The following SPC25 variants were observed in gnomAD, a reference collection of about 807,000 sequenced individuals.
SPC25 encodes the protein SPC25 component of NDC80 kinetochore complex.
Under a neutral mutation model 29.6 loss-of-function variants are expected in SPC25, and 22 were observed. That is an observed-to-expected ratio of 0.74 (90% confidence interval 0.53 to 1.06). The LOEUF (loss-of-function observed/expected upper bound fraction) is 1.06. SPC25 is among the 50% of genes least tolerant of loss of function. SPC25 has a pLI of 0.00. For synonymous variants in SPC25, 91 were observed against 90.4 expected, an observed-to-expected ratio of 1.01 and a Z score of -0.04; for missense variants, 230 against 255.8, an observed-to-expected ratio of 0.90 and a Z score of 0.69.
chr2:168,873,724 A>G (rs763892432), intron 5 of SPC25, 41 bp from the exon 6 acceptor site: 79 of 1,310,732 alleles, frequency 6.0e-5, no homozygotes, highest in Non-Finnish European at 7.9e-5. Flanking sequence ...AAAGCTTTCA[A>G]TGGAGATACC....
At chr2:168,888,953 G>GTATATATA (rs1221825706) in intron 3 of SPC25, among the ~76,000 whole-genome samples, 1 of 61,548 alleles carries the variant, frequency 1.6e-5, no homozygotes, top group East Asian at 5.8e-4. Context: ...GTGTGTGTGT[G>GTATATATA]TGTGTATATA....
intron 3 of SPC25, among the ~76,000 whole-genome samples, chr2:168,880,520 G>A (rs1310795675): frequency 6.6e-6 from 1 of 152,118 alleles, no homozygotes; most frequent in Non-Finnish European, 1.5e-5. Context: ...CTTCTATTAA[G>A]GCCACTAAAA....
intron 4 of SPC25, chr2:168,864,849 T>C (rs1161662685): frequency 6.2e-7 from 1 of 1,613,912 alleles, no homozygotes; most frequent in Non-Finnish European, 8.5e-7. Context: ...ATTGTGATTA[T>C]ACACGAGAAA....
At chr2:168,871,679 G>T in intron 6 of SPC25, 124 bp from the exon 7 acceptor site, 1 of 906,654 alleles carries the variant, frequency 1.1e-6, no homozygotes, top group Non-Finnish European at 1.6e-6. Flanking sequence ...GAAATTCTTT[G>T]AGCAAAAAAG....
intron 3 of SPC25, among the ~76,000 whole-genome samples, chr2:168,882,885 T>G (rs1690200298): frequency 6.6e-6 from 1 of 152,174 alleles, no homozygotes; most frequent in South Asian, 2.1e-4. Flanking sequence ...TTTCATTTAT[T>G]ACAACAATGT....
At chr2:168,882,209 G>A (rs909039177) in intron 3 of SPC25, among the ~76,000 whole-genome samples, 3 of 152,300 alleles carry the variant, frequency 2.0e-5, no homozygotes, top group South Asian at 2.1e-4. Flanking sequence ...AAACAGTGCC[G>A]AAATCCAAAA....
intron 4 of SPC25, chr2:168,861,871 G>GCAT (rs1482547498): frequency 1.6e-5 from 18 of 1,159,508 alleles, no homozygotes; most frequent in Non-Finnish European, 2.3e-5. Flanking sequence ...TTGAAACTCT[G>GCAT]CATCACACTG....
chr2:168,887,205 A>G (rs1224302727), intron 3 of SPC25, among the ~76,000 whole-genome samples: 1 of 151,868 alleles, frequency 6.6e-6, no homozygotes, highest in Non-Finnish European at 1.5e-5. Context: ...CAGATCACCT[A>G]AGGTCAGGAG....
intron 3 of SPC25, among the ~76,000 whole-genome samples, chr2:168,877,855 C>T (rs1464598804): frequency 6.6e-6 from 1 of 152,112 alleles, no homozygotes; most frequent in African/African-American, 2.4e-5. Flanking sequence ...TACAGGCACA[C>T]ACCACATCAC....
chr2:168,861,552 T>C (rs1489016710), intron 4 of SPC25, among the ~76,000 whole-genome samples: 1 of 151,982 alleles, frequency 6.6e-6, no homozygotes, highest in Non-Finnish European at 1.5e-5. Context: ...AAGGAGTCAC[T>C]GTTGCATTGT....
chr2:168,873,565 T>G lies in SPC25; in HGVS notation c.550+20A>C. 6.5e-7 allele frequency: 1 copy of G among 1,527,678 alleles called. No individual in the cohort carries two copies. 94.6% of individuals were successfully genotyped at this position (1,527,678 alleles called of 1,614,324 possible). On this transcript the variant is annotated intron_variant, in intron 6 of 6. Coordinates refer to ENST00000282074, the MANE Select transcript of SPC25 (RefSeq NM_020675.4). ...TGGAACGCCAATCTTAAATACCAGTTAGGAGATATTAGTACATACCTTCAT... is the reference window on the plus strand; with the variant it reads ...TGGAACGCCAATCTTAAATACCAGTGAGGAGATATTAGTACATACCTTCAT...
rs1689777821 is a variant in SPC25, at chr2:168,865,049, A to G, written n.419+8536T>C. On this transcript the variant is annotated intron_variant and non_coding_transcript_variant, in intron 4 of 4. Transcript: ENST00000479309. ...GTTCAAATAAGAATAAAGTGCTCTTACCTTTACATGTTTTTCTTTTGAAAT... is the reference window on the plus strand; with the variant it reads ...GTTCAAATAAGAATAAAGTGCTCTTGCCTTTACATGTTTTTCTTTTGAAAT... 7 of 1,481,086 alleles carry G rather than the reference A, an allele frequency of 4.7e-6. No homozygotes were observed. In the African/African-American group the frequency reaches 5.6e-5, roughly 12 times the overall value. The allele number at this position is 1,481,086 out of a possible 1,614,324, so 91.7% of individuals were successfully genotyped here. A position where few individuals can be genotyped will look rare whatever the true frequency, so the allele number is the denominator to read the frequency against.
rs138641375 is a variant in SPC25 at position 168,886,082 on chromosome 2, C to T, written c.199+3144G>A. 5.4e-4 allele frequency among the ~76,000 whole-genome samples: 65 copies of T among 121,046 alleles called. 1 individual carries two copies. The highest frequency in any genetic ancestry group is 2.1e-3 in the African/African-American group (63 of 30,566). The allele number at this position is 121,046 out of a possible 152,430, so 79.4% of individuals were successfully genotyped here. A position where few individuals can be genotyped will look rare whatever the true frequency, so the allele number is the denominator to read the frequency against. On this transcript the variant is annotated intron_variant, in intron 3 of 6. Coordinates refer to ENST00000282074, the MANE Select transcript of SPC25 (RefSeq NM_020675.4). ...TTTTTTTTTTTTTTGGAGACAGGGT[C>T]TCACTCTGTCGCCCAGGCTGGAGTG...
rs1689497490 is a variant in SPC25, at chr2:168,862,136, A to G, written n.419+11449T>C. Reference sequence around the variant, plus strand: ...AACCCTGTCTTAGTGTGGCAGCCTTAAGAGTTACTACCATGTCAAATCAGT... The same window carrying G: ...AACCCTGTCTTAGTGTGGCAGCCTTGAGAGTTACTACCATGTCAAATCAGT... On this transcript the variant is annotated intron_variant and non_coding_transcript_variant, in intron 4 of 4. Coordinates refer to the SPC25 transcript ENST00000479309. 2.6e-6 allele frequency: 3 copies of G among 1,158,068 alleles called. No individual in the cohort carries two copies. The Admixed American group carries it at 5.5e-5, about 21-fold the overall frequency. 71.7% of individuals were successfully genotyped at this position (1,158,068 alleles called of 1,614,324 possible).
intron 3 of SPC25, 22 bp from the exon 4 acceptor site, chr2:168,877,406 A>C (rs1262149837): frequency 1.2e-6 from 2 of 1,613,062 alleles, no homozygotes; most frequent in Admixed American, 3.3e-5. Flanking sequence ...ACAAGGTATT[A>C]GCTAGAATAT....
chr2:168,890,308 A>G lies in SPC25; in HGVS notation c.-15+10T>C. 1 of 984,666 alleles carries G rather than the reference A, an allele frequency of 1.0e-6. No individual in the cohort carries two copies. Among genetic ancestry groups the G allele is most frequent in the Non-Finnish European group, 1.2e-6 (1 of 829,398 alleles). The allele number at this position is 984,666 out of a possible 1,614,324, so 61.0% of individuals were successfully genotyped here. On this transcript the variant is annotated intron_variant, in intron 1 of 6. Coordinates refer to ENST00000282074, the MANE Select transcript of SPC25 (RefSeq NM_020675.4). ...GCCAAGGAGCCCAGCTCGGCGCCCA[A>G]CTCCCTTACCTTCGCAGGCAGGCCT...
rs146438810 is a variant in SPC25 at position 168,863,997 on chromosome 2, G to A, written n.419+9588C>T. 3.6e-3 allele frequency among the ~76,000 whole-genome samples: 545 copies of A among 151,598 alleles called. 1 individual carries two copies. The highest frequency in any genetic ancestry group is 0.012 in the African/African-American group (483 of 41,280). On this transcript the variant is annotated intron_variant and non_coding_transcript_variant, in intron 4 of 4. Transcript: ENST00000479309. ...GTGATCTTAGCTCACTGCAACCTCC[G>A]TCTCCTGGATTCAAGTGATTCTCCT... is the stretch of plus-strand genomic sequence containing the variant.
downstream of SPC25, among the ~76,000 whole-genome samples, chr2:168,867,079 G>T (rs1379436554): frequency 5.9e-5 from 9 of 152,222 alleles, no homozygotes; most frequent in South Asian, 1.9e-3. Flanking sequence ...ATTCCTCAGG[G>T]ATCTAGAACT....
chr2:168,875,653 GA>G (rs1015282805), intron 5 of SPC25, among the ~76,000 whole-genome samples: 1 of 151,868 alleles, frequency 6.6e-6, no homozygotes, highest in Non-Finnish European at 1.5e-5. Context: ...TTCTAAAACT[GA>G]AAAAAATGGC....
Sources: gnomAD v4.1 joint callset for allele counts (sites outside exome capture counted in the v4.1 genomes callset) on GRCh38, gnomAD v4.1.1 for gene constraint, MANE v1.5 for transcripts, NCBI Gene and HGNC (gene_info 2026-07-23, HGNC 2026-07-21) for gene names.